HCFC1: variants seen among roughly 807,000 people sequenced by gnomAD.
HCFC1 encodes the protein host cell factor 1.
Under a neutral mutation model 105.5 loss-of-function variants are expected in HCFC1, and 7 were observed. The observed-to-expected ratio is 0.07, with a 90% CI of 0.04 to 0.12. HCFC1 has a LOEUF of 0.12. HCFC1 is among the 10% of genes least tolerant of loss of function. HCFC1 has a pLI of 1.00. For synonymous variants in HCFC1, 918 were observed against 828.1 expected, an observed-to-expected ratio of 1.11 and a Z score of -1.86; for missense variants, 1,065 against 1,823.6, an observed-to-expected ratio of 0.58 and a Z score of 7.58.
In HCFC1 at chrX:153,951,525, A is replaced by C. The variant is rs2314659; in HGVS notation, c.5380-38T>G. 0.013 allele frequency: 15,140 copies of C among 1,207,817 alleles called. 651 individuals are homozygous for C. In the African/African-American group the frequency reaches 0.17, roughly 14 times the overall value. ...ATCGGTGCGACGAGATCAGGCCCTC[A>C]GCACCTAGAGGCAGTGCTGCCCCCC... On this transcript the variant is annotated intron_variant, in intron 21 of 25. Coordinates refer to ENST00000310441, the MANE Select transcript of HCFC1 (RefSeq NM_005334.3).
At chrX:153,966,680 C>T (rs2065476703) in intron 1 of HCFC1, among the ~76,000 whole-genome samples, 1 of 112,484 alleles carries the variant, frequency 8.9e-6, no homozygotes, top group African/African-American at 3.2e-5. Flanking sequence ...GGAGGGCAAG[C>T]GACACCTGAG....
At chrX:153,962,181 G>A (rs782143473) in intron 5 of HCFC1, 41 bp downstream of exon 5, 31 of 1,071,231 alleles carry the variant, frequency 2.9e-5, no homozygotes, top group Middle Eastern at 4.9e-4. Context: ...GAGGGGCCAC[G>A]CCAGTCTAGA....
rs1375072220 is a variant in HCFC1, at chrX:153,954,676, G to A, written c.3723C>T (p.Ala1241=). The change falls in exon 17 of 26, where the codon GCC becomes GCT. Residue 1241 remains alanine, a synonymous_variant. Coordinates refer to ENST00000310441, the MANE Select transcript of HCFC1 (RefSeq NM_005334.3). ...GRHSHAVSTA[A]MTRSSVGAGE... is the part of the protein sequence containing the mutation. ...CAGCACCCACGCTGGAACGGGTCATGGCAGCGGTGCTGACCGCATGGCTGT... is the reference window on the plus strand; with the variant it reads ...CAGCACCCACGCTGGAACGGGTCATAGCAGCGGTGCTGACCGCATGGCTGT... The A allele has an allele frequency of 1.1e-5, 13 of 1,205,317 alleles. No homozygotes were observed. Among genetic ancestry groups the A allele is most frequent in the East Asian group, 3.0e-5 (1 of 33,625 alleles).
Position 153,963,279 on chromosome X carries a change from T to C in HCFC1, c.658A>G (p.Ile220Val). The C allele has an allele frequency of 8.3e-7, 1 of 1,211,406 alleles. No homozygotes were observed. Among genetic ancestry groups the C allele is most frequent in the Non-Finnish European group, 1.1e-6 (1 of 895,279 alleles). Residue 220 changes from isoleucine to valine, a missense_variant, in exon 4 of 26, where the codon ATC becomes GTC. Physicochemically the swap from Ile to Val is conservative, Grantham distance 29 (BLOSUM62 3). Coordinates refer to ENST00000310441, the MANE Select transcript of HCFC1 (RefSeq NM_005334.3). ...CTGCAGCCACTCATCCCGCCGTAGA[T>C]CACCAGCTTGGACTTCTTATTGTCT... ...EKDNKKSKLV[I>V]YGGMSGCRLG...
Position 153,959,716 on chromosome X carries a change from C to A in HCFC1, c.1444+86G>T, listed in dbSNP as rs1832652249. ...CCCGGCTGCTGGCCTGCTGTCTAGGCTGCCGTCTCGCAGCCCCTACTTGGC... is the reference window on the plus strand; with the variant it reads ...CCCGGCTGCTGGCCTGCTGTCTAGGATGCCGTCTCGCAGCCCCTACTTGGC... On this transcript the variant is annotated intron_variant, in intron 8 of 25. Transcript: ENST00000310441. The A allele has an allele frequency of 3.6e-6, 4 of 1,098,004 alleles. No individual in the cohort carries two copies. The Admixed American group carries it at 1.2e-4, about 33-fold the overall frequency. The allele number at this position is 1,098,004 out of a possible 1,213,427, so 90.5% of individuals were successfully genotyped here. A position where few individuals can be genotyped will look rare whatever the true frequency, so the allele number is the denominator to read the frequency against.
chrX:153,960,655 C>T (rs1401488122), intron 6 of HCFC1, among the ~76,000 whole-genome samples: 1 of 112,779 alleles, frequency 8.9e-6, no homozygotes, highest in Non-Finnish European at 1.9e-5. Flanking sequence ...AGGTTTACCT[C>T]CTTGCCCGTT....
chrX:153,953,521 C>G (rs1356312166), intron 18 of HCFC1, 86 bp downstream of exon 18: 7 of 1,005,068 alleles, frequency 7.0e-6, no homozygotes, highest in Non-Finnish European at 9.6e-6. Context: ...ATGCCTGGTA[C>G]AAGAGCGACA....
Position 153,957,297 on chromosome X carries a change from T to C in HCFC1, c.2353+17A>G. 1 of 1,167,702 alleles carries C rather than the reference T, an allele frequency of 8.6e-7. No homozygotes were observed. The highest frequency in any genetic ancestry group is 1.2e-6 in the Non-Finnish European group (1 of 864,478). On this transcript the variant is annotated intron_variant, in intron 13 of 25. Transcript: ENST00000310441. ...GTGAGGACTTGCAGACACTCATATG[T>C]CGGGGGAGGCCCCTACCCGTGGCGC... is the stretch of plus-strand genomic sequence containing the variant.
rs144690915 is a variant in HCFC1, at chrX:153,968,667, T to C, written c.193+1981A>G. The stretch of plus-strand genomic sequence containing the variant: ...TGCCAAAGTGGTCAATTCATTTTAA[T>C]AAACTAATGAATATGCAGAGGCCCC... On this transcript the variant is annotated intron_variant, in intron 1 of 25. Transcript: ENST00000310441. Among the ~76,000 whole-genome samples, 94 of 112,660 alleles carry C rather than the reference T, an allele frequency of 8.3e-4. No individual in the cohort carries two copies. In the East Asian group the frequency reaches 0.021, roughly 25 times the overall value.
Position 153,950,295 on chromosome X carries a change from G to A in HCFC1, c.5952C>T (p.Ala1984=), listed in dbSNP as rs200345511. ...TTKPAIIFRI[A]ARNEKGYGPA... ...GGCCATAGCCCTTCTCATTGCGGGC[G>A]GCGATGCGGAAGATGATGGCGGGCT... The change falls in exon 24 of 26, where the codon GCC becomes GCT. Residue 1984 remains alanine (A), a synonymous_variant. Transcript: ENST00000310441. 1.2e-4 allele frequency: 149 copies of A among 1,205,823 alleles called. No individual in the cohort carries two copies. The highest frequency in any genetic ancestry group is 2.4e-4 in the Admixed American group (11 of 45,644).
chrX:153,969,115 T>C (rs782370929), intron 1 of HCFC1, among the ~76,000 whole-genome samples: 1 of 111,617 alleles, frequency 9.0e-6, no homozygotes, highest in Non-Finnish European at 1.9e-5. Flanking sequence ...CAGCACTTTC[T>C]GCCTTGGGGG....
intron 2 of HCFC1, 60 bp downstream of exon 2, chrX:153,964,518 C>A: frequency 9.0e-7 from 1 of 1,114,752 alleles, no homozygotes. Context: ...AACCCTGAAG[C>A]CACTACCGTC....
chrX:153,956,161 G>A lies in HCFC1; in HGVS notation c.2856+30C>T, dbSNP rs781818586. 6.1e-5 allele frequency: 71 copies of A among 1,164,412 alleles called. No individual in the cohort carries two copies. The South Asian group carries it at 1.2e-3, about 20-fold the overall frequency. ...TGCTTCCACTTGTGTGGGGTCCCTC[G>A]CCCACACGTGGCCTCAGGCCCTGCC... On this transcript the variant is annotated intron_variant, in intron 16 of 25. Coordinates refer to ENST00000310441, the MANE Select transcript of HCFC1 (RefSeq NM_005334.3).
At position 153,952,089 on chromosome X, in the gene HCFC1, G is replaced by A. The variant is rs1279604378; in HGVS notation, c.5012C>T (p.Ser1671Leu). The A allele has an allele frequency of 1.7e-6, 2 of 1,159,005 alleles. No homozygotes were observed. The highest frequency in any genetic ancestry group is 2.7e-5 in the Admixed American group (1 of 37,533). The change falls in exon 20 of 26, where the codon TCG becomes TTG. Residue 1671 changes from serine to leucine, a missense_variant. Ser to Leu is a moderately radical substitution (Grantham distance 145, BLOSUM62 -2). This residue lies in a region of HCFC1 where 115 missense variants were observed against 143.7 expected (regional missense o/e 0.80). Transcript: ENST00000310441. ...TVTQAELGHL[S>L]AEGQEGQATT... ...GGCCTGGCCCTCCTGACCCTCGGCC[G>A]ACAGGTGCCCCAGCTCCGCCTGAGT...
chrX:153,952,299 G>A (rs981709301), intron 19 of HCFC1, 141 bp from the exon 20 acceptor site: 1 of 1,020,848 alleles, frequency 9.8e-7, no homozygotes, highest in Non-Finnish European at 1.3e-6. Context: ...CCTGGCCGAG[G>A]GGCCCTGCCT....
rs782763477 is a variant in HCFC1, at chrX:153,957,805, C to A, written c.2110G>T (p.Gly704Cys). 1 of 1,206,489 alleles carries A rather than the reference C, an allele frequency of 8.3e-7. No individual in the cohort carries two copies. Among genetic ancestry groups the A allele is most frequent in the Non-Finnish European group, 1.1e-6 (1 of 890,643 alleles). The change falls in exon 12 of 26, where the codon GGT becomes TGT. Residue 704 changes from glycine (G) to cysteine (C), a missense_variant. Around this residue, in one of 17 missense-constraint regions of HCFC1, gnomAD observed 137 missense variants for 378.2 expected, o/e 0.36. Coordinates refer to ENST00000310441, the MANE Select transcript of HCFC1 (RefSeq NM_005334.3). ...TSAVTGQASTGPVTQIIQTKG... is the reference protein window; with the variant it reads ...TSAVTGQASTCPVTQIIQTKG... Reference sequence around the variant, plus strand: ...ACCTGGATGATCTGAGTCACAGGACCCGTGGACGCCTGGCCTGTGACTGCT... The same window carrying A: ...ACCTGGATGATCTGAGTCACAGGACACGTGGACGCCTGGCCTGTGACTGCT...
rs782569333 is a variant in HCFC1, at chrX:153,957,192, G to A, written c.2353+122C>T. The A allele has an allele frequency of 1.1e-4, 103 of 971,757 alleles. No individual in the cohort carries two copies. The South Asian group carries it at 1.8e-3, about 17-fold the overall frequency. The allele number at this position is 971,757 out of a possible 1,213,427, so 80.1% of individuals were successfully genotyped here. On this transcript the variant is annotated intron_variant, in intron 13 of 25. Coordinates refer to ENST00000310441, the MANE Select transcript of HCFC1 (RefSeq NM_005334.3). Reference sequence around the variant, plus strand: ...CTCCTCACTACCCTTAGACACAAAAGGCAGCAAGGAGAAGATAGAAAAGGG... The same window carrying A: ...CTCCTCACTACCCTTAGACACAAAAAGCAGCAAGGAGAAGATAGAAAAGGG...
Position 153,971,537 on chromosome X carries a change from C to T in HCFC1, c.-697G>A, listed in dbSNP as rs1557120220. 3.4e-6 allele frequency: 1 copy of T among 291,838 alleles called. No individual in the cohort carries two copies. Among genetic ancestry groups the T allele is most frequent in the East Asian group, 4.8e-5 (1 of 20,687 alleles). The allele number at this position is 291,838 out of a possible 1,213,427, so 24.1% of individuals were successfully genotyped here. A position where few individuals can be genotyped will look rare whatever the true frequency, so the allele number is the denominator to read the frequency against. On this transcript the variant is annotated 5_prime_UTR_variant, in exon 1 of 26. Transcript: ENST00000310441. ...CGGCTTGTGAAGTCTCGCGCCTCTC[C>T]CCTTAGTCCGCCTCTGCTGCTCAGG... is the stretch of plus-strand genomic sequence containing the variant.
In HCFC1 at chrX:153,956,237, G is replaced by A. The variant is rs1557114899; in HGVS notation, c.2810C>T (p.Thr937Met). The A allele has an allele frequency of 8.2e-7, 1 of 1,212,349 alleles. No individual in the cohort carries two copies. ...TAITVSAAQT[T>M]LTAAGGLTTP... ...TGTGAGCCCGCCTGCCGCTGTCAGCGTGGTCTGTGCGGCCGACACAGTGAT... is the reference window on the plus strand; with the variant it reads ...TGTGAGCCCGCCTGCCGCTGTCAGCATGGTCTGTGCGGCCGACACAGTGAT... The change falls in exon 16 of 26, where the codon ACG (threonine) becomes ATG (methionine). Residue 937 changes from threonine to methionine, a missense_variant. Physicochemically the swap from Thr to Met is moderately conservative, Grantham distance 81. Around this residue, in one of 17 missense-constraint regions of HCFC1, gnomAD observed 137 missense variants for 378.2 expected, o/e 0.36. Coordinates refer to ENST00000310441, the MANE Select transcript of HCFC1 (RefSeq NM_005334.3).
Sources: allele counts gnomAD v4.1 joint callset (sites outside exome capture counted in the v4.1 genomes callset), GRCh38; gene constraint gnomAD v4.1.1; regional missense constraint gnomAD v4.1.1; transcripts MANE v1.5; gene names NCBI Gene and HGNC (gene_info 2026-07-23, HGNC 2026-07-21).